Variants in SGCZ observed in about 807,000 individuals in gnomAD.
SGCZ encodes the protein zeta-sarcoglycan.
SGCZ carries 40 observed loss-of-function variants against 41.3 expected under a neutral mutation model. That is an observed-to-expected ratio of 0.97 (90% CI 0.75 to 1.26). The LOEUF (loss-of-function observed/expected upper bound fraction) is 1.26, where lower values mean the gene tolerates loss of function less well. Ranked by LOEUF, SGCZ falls within the 50% of genes most tolerant of loss-of-function variation. The probability of loss-of-function intolerance (pLI) is 0.00; values close to 1 mark genes in which losing one functional copy is unlikely to be tolerated. For missense variants in SGCZ, 552 were observed against 369.8 expected (o/e 1.49, Z -4.04); for synonymous variants, 206 against 137.5 (o/e 1.50, Z -3.49).
At position 14,785,554 on chromosome 8, in the gene SGCZ, T is replaced by C. The variant is rs373764742; in HGVS notation, c.40-230628A>G. Among the ~76,000 whole-genome samples the C allele has an allele frequency of 2.2e-4, 34 of 152,310 alleles. No homozygotes were observed. The East Asian group carries it at 6.4e-3, about 29-fold the overall frequency. ...CTTCCCTAATGCTTCAGTGAGTTTG[T>C]CGCAGGTAATACTAAGGTGGTTCCC... On this transcript the variant is annotated intron_variant, in intron 1 of 7. Transcript: ENST00000382080.
At chr8:15,044,295 T>C (rs1804221238) in intron 1 of SGCZ, among the ~76,000 whole-genome samples, 1 of 152,142 alleles carries the variant, frequency 6.6e-6, no homozygotes, top group African/African-American at 2.4e-5. Context: ...AATTCAACCC[T>C]TCTTTTTCTG....
chr8:14,572,068 G>C (rs1804571585), intron 1 of SGCZ, among the ~76,000 whole-genome samples: 1 of 152,104 alleles, frequency 6.6e-6, no homozygotes, highest in South Asian at 2.1e-4. Context: ...TGAATTTAAG[G>C]ATGAATTTAA....
At chr8:14,214,228 G>A (rs7812587) in intron 4 of SGCZ, among the ~76,000 whole-genome samples, 13,064 of 151,980 alleles carry the variant, frequency 0.086, 748 homozygotes, top group Middle Eastern at 0.13. Flanking sequence ...CCAATCGAAG[G>A]GCAGTCTACA....
At chr8:14,692,951 A>G (rs1397297) in intron 1 of SGCZ, among the ~76,000 whole-genome samples, 114,456 of 152,078 alleles carry the variant, frequency 0.75, 43,458 homozygotes, top group African/African-American at 0.79. Context: ...CTTTCACCCA[A>G]AAGTGGCCAT....
intron 1 of SGCZ, among the ~76,000 whole-genome samples, chr8:14,658,771 C>T (rs190550681): frequency 1.3e-5 from 2 of 151,908 alleles, no homozygotes; most frequent in South Asian, 2.1e-4. Context: ...CAGTAGAATG[C>T]AGTTTCCACA....
In SGCZ at chr8:14,237,601, G is replaced by A; in HGVS notation, c.415C>T (p.Leu139=). ...ACCCCAAAACACTCACCTATGGTCA[G>A]CTGTCCGGTTAACTGCCCCATGTGA... ...RNHMGQLTGQ[L]TIGADAVEAQ... The change falls in exon 4 of 8, where the codon CTG becomes TTG. Residue 139 remains leucine, a synonymous_variant. Coordinates refer to ENST00000382080, the MANE Select transcript of SGCZ (RefSeq NM_139167.4). 1 of 1,613,786 alleles carries A rather than the reference G, an allele frequency of 6.2e-7. No homozygotes were observed. The highest frequency in any genetic ancestry group is 8.5e-7 in the Non-Finnish European group (1 of 1,179,748).
At chr8:14,630,773 G>A (rs572396674) in intron 1 of SGCZ, among the ~76,000 whole-genome samples, 11 of 150,404 alleles carry the variant, frequency 7.3e-5, no homozygotes, top group African/African-American at 2.2e-4. Flanking sequence ...TCACAAGGAC[G>A]GAAAACCAAA....
chr8:14,396,450 G>A (rs1798923170), intron 2 of SGCZ, among the ~76,000 whole-genome samples: 2 of 152,056 alleles, frequency 1.3e-5, no homozygotes, highest in Non-Finnish European at 2.9e-5. Context: ...TGATCACTTA[G>A]GCGTGAAGGA....
At chr8:14,737,267 T>C (rs1275870750) in intron 1 of SGCZ, among the ~76,000 whole-genome samples, 2 of 151,500 alleles carry the variant, frequency 1.3e-5, no homozygotes, top group East Asian at 3.9e-4. Flanking sequence ...ATCAATAGGA[T>C]TACAGACTAA....
At chr8:14,787,533 GTTT>G (rs1293356540) in intron 1 of SGCZ, among the ~76,000 whole-genome samples, 1 of 152,078 alleles carries the variant, frequency 6.6e-6, no homozygotes. Flanking sequence ...TAGTAACTGA[GTTT>G]TATCCTAATT....
At chr8:14,393,099 TA>T (rs555104600) in intron 2 of SGCZ, among the ~76,000 whole-genome samples, 147 of 152,298 alleles carry the variant, frequency 9.7e-4, no homozygotes, top group African/African-American at 3.4e-3. Context: ...AATTATCCTT[TA>T]AAAAATATAT....
intron 1 of SGCZ, among the ~76,000 whole-genome samples, chr8:14,846,700 A>G (rs1232053184): frequency 1.6e-4 from 11 of 69,786 alleles, no homozygotes; most frequent in African/African-American, 7.3e-4. Context: ...AACCCTTTAA[A>G]TCCAAAAAAA....
At chr8:14,212,380 C>T (rs931695041) in intron 4 of SGCZ, among the ~76,000 whole-genome samples, 10 of 150,994 alleles carry the variant, frequency 6.6e-5, no homozygotes, top group African/African-American at 2.4e-4. Flanking sequence ...TGTTTTCTCA[C>T]GTAACACCAG....
At chr8:14,962,221 C>A (rs1800987951) in intron 1 of SGCZ, among the ~76,000 whole-genome samples, 1 of 152,092 alleles carries the variant, frequency 6.6e-6, no homozygotes, top group African/African-American at 2.4e-5. Flanking sequence ...CTCTGTTTCA[C>A]TCCAGAGCTG....
chr8:14,213,315 G>A (rs1805879768), intron 4 of SGCZ, among the ~76,000 whole-genome samples: 1 of 152,014 alleles, frequency 6.6e-6, no homozygotes, highest in African/African-American at 2.4e-5. Context: ...AGAAAAGCAT[G>A]CATTACCTTT....
chr8:14,280,469 A>C (rs906621969), intron 3 of SGCZ, among the ~76,000 whole-genome samples: 9 of 151,928 alleles, frequency 5.9e-5, no homozygotes, highest in Non-Finnish European at 7.4e-5. Flanking sequence ...TTTTTAAGGG[A>C]CTGGGCTAAA....
chr8:14,471,659 T>G (rs1483846409), intron 2 of SGCZ, among the ~76,000 whole-genome samples: 1 of 152,052 alleles, frequency 6.6e-6, no homozygotes, highest in Non-Finnish European at 1.5e-5. Flanking sequence ...ATCAGCTACA[T>G]AAAGCTGAAA....
chr8:14,303,933 G>GT (rs1176516380), intron 3 of SGCZ, among the ~76,000 whole-genome samples: 3 of 151,858 alleles, frequency 2.0e-5, no homozygotes, highest in African/African-American at 4.8e-5. Context: ...TCTATTTTTA[G>GT]TAGAGATAGG....
chr8:14,204,382 G>C (rs1366701413), intron 4 of SGCZ, among the ~76,000 whole-genome samples: 1 of 151,296 alleles, frequency 6.6e-6, no homozygotes, highest in South Asian at 2.1e-4. Flanking sequence ...TCTTTTCCCT[G>C]ATTTGAGAGG....
Sources: allele counts gnomAD v4.1 joint callset (sites outside exome capture counted in the v4.1 genomes callset), GRCh38; gene constraint gnomAD v4.1.1; transcripts MANE v1.5; gene names NCBI Gene and HGNC (gene_info 2026-07-23, HGNC 2026-07-21).